The following DCT variants were observed in gnomAD, a reference collection of about 807,000 sequenced individuals.
The protein encoded by DCT is dopachrome tautomerase.
Under a neutral mutation model 53.0 loss-of-function variants are expected in DCT, and 47 were observed. That is an observed-to-expected ratio of 0.89 (90% confidence interval 0.70 to 1.13). The LOEUF is 1.13. DCT is among the 50% of genes most tolerant of loss of function. The pLI is 0.00. For missense variants in DCT, 669 were observed against 637.4 expected, an observed-to-expected ratio of 1.05 and a Z score of -0.53; for synonymous variants, 244 against 237.0, an observed-to-expected ratio of 1.03 and a Z score of -0.27.
intron 3 of DCT, among the ~76,000 whole-genome samples, 182 bp downstream of exon 3, chr13:94,466,374 CCA>C (rs1217643518): frequency 6.6e-6 from 1 of 151,610 alleles, no homozygotes; most frequent in Admixed American, 6.6e-5. Flanking sequence ...GGTACTCTTA[CCA>C]CACACACACA....
chr13:94,485,919 T>C, the DCT span, among the ~76,000 whole-genome samples: 1 of 152,212 alleles, frequency 6.6e-6, no homozygotes, highest in East Asian at 1.9e-4. Context: ...TTTTAGTTCC[T>C]ACGCGTTGCT....
At chr13:94,463,040 G>T (rs1883920013) in intron 4 of DCT, among the ~76,000 whole-genome samples, 1 of 152,216 alleles carries the variant, frequency 6.6e-6, no homozygotes, top group Non-Finnish European at 1.5e-5. Flanking sequence ...AGCATGGGCT[G>T]AGAAGGTCCC....
chr13:94,441,585 T>C (rs1462740941), intron 7 of DCT, among the ~76,000 whole-genome samples: 1 of 152,222 alleles, frequency 6.6e-6, no homozygotes, highest in Non-Finnish European at 1.5e-5. Flanking sequence ...ATAGTCTAAG[T>C]GGAGTCATGC....
At chr13:94,465,851 A>G (rs777162841) in intron 3 of DCT, 52 bp from the exon 4 acceptor site, 1 of 1,519,466 alleles carries the variant, frequency 6.6e-7, no homozygotes, top group Non-Finnish European at 9.0e-7. Context: ...CAGATACAAC[A>G]AGAAAGCATA....
chr13:94,479,898 C>T (rs926888428), upstream of DCT, among the ~76,000 whole-genome samples: 2 of 152,168 alleles, frequency 1.3e-5, no homozygotes, highest in South Asian at 2.1e-4. Flanking sequence ...GGCTCATGTG[C>T]TCCAGCCAAA....
intron 6 of DCT, among the ~76,000 whole-genome samples, chr13:94,451,090 C>T (rs2139297987): frequency 6.6e-6 from 1 of 152,220 alleles, no homozygotes; most frequent in East Asian, 1.9e-4. Flanking sequence ...GAAACACTGC[C>T]ACCCTGGGGA....
intron 4 of DCT, among the ~76,000 whole-genome samples, chr13:94,464,145 G>A (rs896839868): frequency 3.3e-5 from 5 of 152,202 alleles, no homozygotes; most frequent in Non-Finnish European, 5.9e-5. Flanking sequence ...TGCTCGTGGA[G>A]CACTGTTCTG....
At chr13:94,480,774 C>T (rs925980545), upstream of DCT, among the ~76,000 whole-genome samples, 3 of 152,226 alleles carry the variant, frequency 2.0e-5, no homozygotes, top group Admixed American at 2.0e-4. Context: ...TTCTAATGCT[C>T]AGCCAGAGTT....
At chr13:94,542,647 G>A in the DCT span, among the ~76,000 whole-genome samples, 1 of 152,198 alleles carries the variant, frequency 6.6e-6, no homozygotes, top group African/African-American at 2.4e-5. Flanking sequence ...CTCAATCGAA[G>A]TTCTCCGATT....
chr13:94,512,348 T>C, the DCT span, among the ~76,000 whole-genome samples: 1 of 152,194 alleles, frequency 6.6e-6, no homozygotes, highest in Non-Finnish European at 1.5e-5. Context: ...GCAGATTCTC[T>C]AATCTAAAGA....
upstream of DCT, among the ~76,000 whole-genome samples, chr13:94,483,982 T>G (rs1484153476): frequency 6.6e-6 from 1 of 152,136 alleles, no homozygotes; most frequent in African/African-American, 2.4e-5. Flanking sequence ...TCACATCACC[T>G]CATCAATTTT....
Position 94,469,029 on chromosome 13 carries a change from A to G in DCT, c.312T>C (p.Tyr104=). ...AGCCAAACTTGCAGTCTCCACAATT[A>G]TAGCCGGCAAAGTTTCCTAGTTCAC... ...TCKCTGNFAG[Y]NCGDCKFGWT... The change falls in exon 2 of 8, where the codon TAT becomes TAC. Residue 104 remains tyrosine, a synonymous_variant. Transcript: ENST00000377028. 1.2e-6 allele frequency: 2 copies of G among 1,612,502 alleles called. No homozygotes were observed. The highest frequency in any genetic ancestry group is 1.7e-6 in the Non-Finnish European group (2 of 1,178,538).
At chr13:94,450,755 G>A (rs1313669806) in intron 6 of DCT, among the ~76,000 whole-genome samples, 1 of 152,134 alleles carries the variant, frequency 6.6e-6, no homozygotes, top group Non-Finnish European at 1.5e-5. Flanking sequence ...TTACGGATTG[G>A]AGAAAGAACC....
the DCT span, among the ~76,000 whole-genome samples, chr13:94,513,987 C>CAAA: frequency 0.35 from 18,422 of 53,086 alleles, 3,311 homozygotes; most frequent in East Asian, 0.55. Flanking sequence ...AACTCTGTCT[C>CAAA]AAAAAAAAAA....
intron 7 of DCT, among the ~76,000 whole-genome samples, chr13:94,441,342 T>C (rs1882297779): frequency 6.6e-6 from 1 of 152,250 alleles, no homozygotes; most frequent in Non-Finnish European, 1.5e-5. Flanking sequence ...AAAATTATGT[T>C]TTAGAAATTG....
At chr13:94,531,451 C>A in the DCT span, among the ~76,000 whole-genome samples, 3 of 152,046 alleles carry the variant, frequency 2.0e-5, no homozygotes, top group South Asian at 2.1e-4. Context: ...ATATATACAC[C>A]AATGGAACAG....
chr13:94,520,166 TC>T, the DCT span, among the ~76,000 whole-genome samples: 1 of 152,156 alleles, frequency 6.6e-6, no homozygotes, highest in African/African-American at 2.4e-5. Flanking sequence ...AATTCAAGGC[TC>T]TATTTCAGCA....
At chr13:94,528,452 C>T in the DCT span, among the ~76,000 whole-genome samples, 4 of 152,322 alleles carry the variant, frequency 2.6e-5, no homozygotes, top group African/African-American at 9.6e-5. Context: ...TCGGCAGAAA[C>T]CCTGCAAGCC....
At chr13:94,470,040 A>T (rs1219658587) in intron 1 of DCT, among the ~76,000 whole-genome samples, 1 of 152,056 alleles carries the variant, frequency 6.6e-6, no homozygotes, top group African/African-American at 2.4e-5. Context: ...ATGCCATTGT[A>T]CTCCAGCCTG....
Sources: allele counts gnomAD v4.1 joint callset (sites outside exome capture counted in the v4.1 genomes callset), GRCh38; gene constraint gnomAD v4.1.1; transcripts MANE v1.5; gene names NCBI Gene and HGNC (gene_info 2026-07-23, HGNC 2026-07-21).